The following ARHGAP6 variants were observed in gnomAD, a reference collection of about 807,000 sequenced individuals.
The protein encoded by ARHGAP6 is rho GTPase-activating protein 6.
In ARHGAP6, 16 loss-of-function variants were observed where a neutral mutation model predicts 55.7. That is an observed-to-expected ratio of 0.29 (90% CI 0.19 to 0.44). The LOEUF is 0.44. Among genes scored for constraint, ARHGAP6 ranks in the 20% least tolerant of loss-of-function variants. The probability of loss-of-function intolerance (pLI) is 1.00; values close to 1 mark genes in which losing one functional copy is unlikely to be tolerated. For synonymous variants in ARHGAP6, 382 were observed against 360.9 expected (o/e 1.06, Z -0.66); for missense variants, 698 against 808.9 (o/e 0.86, Z 1.66).
At chrX:11,366,776 G>A (rs1003727790) in intron 1 of ARHGAP6, among the ~76,000 whole-genome samples, 1 of 112,010 alleles carries the variant, frequency 8.9e-6, no homozygotes, top group African/African-American at 3.2e-5. Flanking sequence ...GTTCTTTCCT[G>A]TGTAACTTTA....
intron 1 of ARHGAP6, among the ~76,000 whole-genome samples, chrX:11,381,357 C>T (rs1248788659): frequency 8.9e-6 from 1 of 112,196 alleles, no homozygotes; most frequent in Non-Finnish European, 1.9e-5. Context: ...AGTTCCATGG[C>T]TAATACACCG....
chrX:11,460,671 C>T (rs767805211), intron 1 of ARHGAP6, among the ~76,000 whole-genome samples: 4 of 111,948 alleles, frequency 3.6e-5, no homozygotes, highest in African/African-American at 1.3e-4. Context: ...AATTTTCCAC[C>T]GTACTTCCCT....
chrX:11,204,285 T>C (rs1037767201), intron 2 of ARHGAP6, among the ~76,000 whole-genome samples: 1 of 112,023 alleles, frequency 8.9e-6, no homozygotes, highest in African/African-American at 3.2e-5. Context: ...ACTTTATAAA[T>C]AATCTTGAAA....
intron 2 of ARHGAP6, among the ~76,000 whole-genome samples, chrX:11,200,397 T>C (rs1022492855): frequency 1.8e-5 from 2 of 112,338 alleles, no homozygotes; most frequent in Non-Finnish European, 3.8e-5. Flanking sequence ...CAGACACCTG[T>C]GACACAATAG....
intron 1 of ARHGAP6, among the ~76,000 whole-genome samples, chrX:11,499,714 C>T (rs990836422): frequency 8.9e-6 from 1 of 112,079 alleles, no homozygotes; most frequent in African/African-American, 3.2e-5. Flanking sequence ...TCTCATTTTT[C>T]ATCTATTTCA....
intron 10 of ARHGAP6, among the ~76,000 whole-genome samples, chrX:11,154,601 G>C (rs928372052): frequency 1.8e-5 from 2 of 112,114 alleles, no homozygotes; most frequent in African/African-American, 6.5e-5. Context: ...GTGTTTTGTA[G>C]CTTTCCCACA....
chrX:11,198,229 G>A (rs925048960), intron 2 of ARHGAP6, among the ~76,000 whole-genome samples: 1 of 111,716 alleles, frequency 9.0e-6, no homozygotes, highest in Non-Finnish European at 1.9e-5. Context: ...TTTCAAAAAT[G>A]ACTCTCCTGC....
intron 1 of ARHGAP6, among the ~76,000 whole-genome samples, chrX:11,314,711 C>T (rs982437635): frequency 3.6e-5 from 4 of 111,683 alleles, no homozygotes; most frequent in Non-Finnish European, 7.5e-5. Flanking sequence ...TGCATGTTCT[C>T]ACTTATAAGT....
At chrX:11,645,150 G>A (rs759793975) in intron 1 of ARHGAP6, among the ~76,000 whole-genome samples, 166 of 111,592 alleles carry the variant, frequency 1.5e-3, no homozygotes, top group South Asian at 5.2e-3. Context: ...TATAGTGATG[G>A]AGAACAGATC....
intron 8 of ARHGAP6, among the ~76,000 whole-genome samples, chrX:11,174,856 T>A (rs1373807642): frequency 1.9e-5 from 2 of 104,677 alleles, no homozygotes; most frequent in Admixed American, 2.1e-4. Context: ...CCCGGCTAAT[T>A]TTTTTTGTAT....
intron 10 of ARHGAP6, among the ~76,000 whole-genome samples, chrX:11,147,963 T>C (rs1204785422): frequency 8.9e-6 from 1 of 112,162 alleles, no homozygotes; most frequent in Non-Finnish European, 1.9e-5. Context: ...CCCATCATTG[T>C]GAGTCAGCTC....
chrX:11,245,876 T>G (rs1396742365), intron 2 of ARHGAP6, among the ~76,000 whole-genome samples: 2 of 112,185 alleles, frequency 1.8e-5, no homozygotes, highest in African/African-American at 6.5e-5. Flanking sequence ...TGGTGCATTC[T>G]GAGAACAGGC....
chrX:11,472,219 G>A lies in ARHGAP6; in HGVS notation c.588+192022C>T, dbSNP rs73500894. On this transcript the variant is annotated intron_variant, in intron 1 of 12. Coordinates refer to ENST00000337414, the MANE Select transcript of ARHGAP6 (RefSeq NM_013427.3). ...CCCTGGTCTCCACCCACTAGATGCC[G>A]GTAGCACCCTCCACCCCAGTTGTAA... is the stretch of plus-strand genomic sequence containing the variant. 6.6e-3 allele frequency among the ~76,000 whole-genome samples: 734 copies of A among 111,350 alleles called. 5 individuals carry two copies. Among genetic ancestry groups the A allele is most frequent in the African/African-American group, 0.022 (678 of 30,633 alleles).
At chrX:11,446,506 T>C (rs753295744) in intron 1 of ARHGAP6, among the ~76,000 whole-genome samples, 1 of 111,856 alleles carries the variant, frequency 8.9e-6, no homozygotes, top group African/African-American at 3.2e-5. Context: ...ATTCTCCATG[T>C]GACTCACACT....
intron 8 of ARHGAP6, among the ~76,000 whole-genome samples, chrX:11,174,530 C>T (rs1011866090): frequency 9.0e-5 from 5 of 55,373 alleles, no homozygotes; most frequent in African/African-American, 4.2e-4. Flanking sequence ...TCCTTCCTTC[C>T]TTCCTTCCTT....
intron 1 of ARHGAP6, chrX:11,290,545 A>G: frequency 6.7e-6 from 2 of 297,731 alleles, no homozygotes; most frequent in South Asian, 7.4e-5. Flanking sequence ...GTAAGTAAAC[A>G]TCTACAGAGA....
Position 11,498,561 on chromosome X carries a change from G to A in ARHGAP6, c.588+165680C>T, listed in dbSNP as rs139759849. On this transcript the variant is annotated intron_variant, in intron 1 of 12. Coordinates refer to ENST00000337414, the MANE Select transcript of ARHGAP6 (RefSeq NM_013427.3). ...GGCCCACTATGTGCTCAGTCCAGTG[G>A]GGGTGTCAGAGTAGGAAAACCTGTC... Among the ~76,000 whole-genome samples, 803 of 111,103 alleles carry A rather than the reference G, an allele frequency of 7.2e-3. 4 individuals carry two copies. The highest frequency in any genetic ancestry group is 0.011 in the Non-Finnish European group (573 of 52,958).
At chrX:11,176,975 AC>A (rs1278458873) in intron 8 of ARHGAP6, among the ~76,000 whole-genome samples, 3 of 112,147 alleles carry the variant, frequency 2.7e-5, no homozygotes, top group Non-Finnish European at 5.6e-5. Flanking sequence ...ATTATACATA[AC>A]CACGTTCTTT....
intron 1 of ARHGAP6, among the ~76,000 whole-genome samples, chrX:11,365,473 A>G (rs956087460): frequency 1.8e-5 from 2 of 112,500 alleles, no homozygotes; most frequent in Non-Finnish European, 3.8e-5. Context: ...AATTCTAGAG[A>G]CATAGAAGAT....
Sources: gnomAD v4.1 joint callset for allele counts (sites outside exome capture counted in the v4.1 genomes callset) on GRCh38, gnomAD v4.1.1 for gene constraint, MANE v1.5 for transcripts, NCBI Gene and HGNC (gene_info 2026-07-23, HGNC 2026-07-21) for gene names.